FBXL17: variants seen among roughly 807,000 people sequenced by gnomAD.
FBXL17 encodes the protein F-box/LRR-repeat protein 17.
In FBXL17, 22 loss-of-function variants were observed where a neutral mutation model predicts 66.2. The observed-to-expected ratio is 0.33, with a 90% CI of 0.24 to 0.47. The LOEUF is 0.47. FBXL17 is among the 20% of genes least tolerant of loss of function. The pLI is 1.00. For missense variants in FBXL17, 878 were observed against 948.2 expected, an observed-to-expected ratio of 0.93 and a Z score of 0.97; for synonymous variants, 474 against 400.5, an observed-to-expected ratio of 1.18 and a Z score of -2.19.
chr5:108,032,721 CTA>C (rs1318461174), intron 6 of FBXL17, among the ~76,000 whole-genome samples: 1 of 152,282 alleles, frequency 6.6e-6, no homozygotes, highest in East Asian at 1.9e-4. Flanking sequence ...GCCAGGGAAA[CTA>C]GTTTTGGACT....
At chr5:108,200,325 G>C (rs1338851537) in intron 5 of FBXL17, among the ~76,000 whole-genome samples, 1 of 152,058 alleles carries the variant, frequency 6.6e-6, no homozygotes, top group Non-Finnish European at 1.5e-5. Flanking sequence ...TGAGGGGAAG[G>C]AGGCCTGGTT....
At chr5:107,994,895 A>G (rs1025864849) in intron 7 of FBXL17, among the ~76,000 whole-genome samples, 4 of 152,108 alleles carry the variant, frequency 2.6e-5, no homozygotes, top group African/African-American at 9.6e-5. Flanking sequence ...AATGTCACAT[A>G]TGTTTAAAAA....
At chr5:108,052,870 C>T (rs748742703) in intron 6 of FBXL17, among the ~76,000 whole-genome samples, 1 of 152,114 alleles carries the variant, frequency 6.6e-6, no homozygotes, top group Non-Finnish European at 1.5e-5. Flanking sequence ...TGGAACAGAA[C>T]AGAGACCTCA....
chr5:108,190,399 GAGAC>G (rs1753424179), intron 5 of FBXL17, among the ~76,000 whole-genome samples: 2 of 152,192 alleles, frequency 1.3e-5, no homozygotes, highest in African/African-American at 4.8e-5. Flanking sequence ...GTCTGAGACA[GAGAC>G]AGACAGAGAT....
chr5:108,371,808 A>G (rs75454114), intron 1 of FBXL17, among the ~76,000 whole-genome samples: 182 of 152,372 alleles, frequency 1.2e-3, no homozygotes, highest in African/African-American at 4.3e-3. Context: ...GAGATTAAAC[A>G]GATTAGAGCA....
chr5:108,251,211 G>C (rs1430673908), intron 4 of FBXL17, among the ~76,000 whole-genome samples: 2 of 151,968 alleles, frequency 1.3e-5, no homozygotes. Context: ...CCATTGAAAA[G>C]AGTGTCCCTT....
intron 6 of FBXL17, among the ~76,000 whole-genome samples, chr5:108,156,557 T>C (rs1752004949): frequency 6.6e-6 from 1 of 151,934 alleles, no homozygotes; most frequent in Non-Finnish European, 1.5e-5. Flanking sequence ...GTATCAAAGT[T>C]TGTGGAAATT....
chr5:108,024,732 G>T (rs1280080444), intron 6 of FBXL17, among the ~76,000 whole-genome samples: 1 of 152,104 alleles, frequency 6.6e-6, no homozygotes, highest in African/African-American at 2.4e-5. Flanking sequence ...AGTTATTTTT[G>T]ATAATAATGT....
In FBXL17 at chr5:107,979,743, T is replaced by C. The variant is rs574386533; in HGVS notation, c.1822+41182A>G. On this transcript the variant is annotated intron_variant, in intron 7 of 8. Transcript: ENST00000542267. ...AACATCTAACTAGGACTTTTATTGT[T>C]TATTTGAACAAATATTCATCATGAA... Among the ~76,000 whole-genome samples the C allele has an allele frequency of 1.1e-3, 170 of 152,358 alleles. 1 individual carries two copies. Among genetic ancestry groups the C allele is most frequent in the African/African-American group, 3.8e-3 (160 of 41,584 alleles).
At chr5:108,219,548 G>A (rs964570883) in intron 5 of FBXL17, among the ~76,000 whole-genome samples, 1 of 152,030 alleles carries the variant, frequency 6.6e-6, no homozygotes, top group Non-Finnish European at 1.5e-5. Flanking sequence ...TTAGCCGGGC[G>A]TGGTGGTGGG....
At chr5:108,074,733 T>G (rs1345901800) in intron 6 of FBXL17, among the ~76,000 whole-genome samples, 1 of 152,184 alleles carries the variant, frequency 6.6e-6, no homozygotes, top group Non-Finnish European at 1.5e-5. Flanking sequence ...TCTTTTGTAT[T>G]ACATTACCCG....
intron 6 of FBXL17, among the ~76,000 whole-genome samples, chr5:108,045,962 C>A (rs1188476888): frequency 1.3e-5 from 2 of 152,216 alleles, no homozygotes; most frequent in East Asian, 3.9e-4. Flanking sequence ...CTATAAAAAT[C>A]AATTAAATCT....
At chr5:107,896,387 T>C (rs1425149478) in intron 7 of FBXL17, among the ~76,000 whole-genome samples, 1 of 152,066 alleles carries the variant, frequency 6.6e-6, no homozygotes, top group Non-Finnish European at 1.5e-5. Context: ...GGAGAATAAA[T>C]AAAATAGAAG....
chr5:107,961,756 C>A (rs1284942022), intron 7 of FBXL17, among the ~76,000 whole-genome samples: 3 of 152,070 alleles, frequency 2.0e-5, no homozygotes, highest in African/African-American at 7.2e-5. Flanking sequence ...AGAATGCTTG[C>A]ATTTCAATGT....
At chr5:107,891,995 A>C (rs2112518668) in intron 7 of FBXL17, among the ~76,000 whole-genome samples, 1 of 152,286 alleles carries the variant, frequency 6.6e-6, no homozygotes, top group South Asian at 2.1e-4. Context: ...ATCGTAACTT[A>C]GCCTAGCCCA....
At chr5:108,377,855 T>C (rs1198444248) in intron 1 of FBXL17, among the ~76,000 whole-genome samples, 1 of 152,230 alleles carries the variant, frequency 6.6e-6, no homozygotes, top group Non-Finnish European at 1.5e-5. Context: ...AAAGGGCTAA[T>C]TTGTCAGTTA....
chr5:108,148,711 A>G (rs1003066068), intron 6 of FBXL17, among the ~76,000 whole-genome samples: 1 of 152,188 alleles, frequency 6.6e-6, no homozygotes, highest in Non-Finnish European at 1.5e-5. Context: ...GAAAAATTGA[A>G]TATCCACATC....
chr5:108,216,730 C>A (rs979395525), intron 5 of FBXL17, among the ~76,000 whole-genome samples: 5 of 152,100 alleles, frequency 3.3e-5, no homozygotes, highest in Non-Finnish European at 5.9e-5. Context: ...GTCAGTGCCT[C>A]ATCCCCACAT....
At chr5:107,967,856 T>A (rs1208832691) in intron 7 of FBXL17, among the ~76,000 whole-genome samples, 1 of 152,116 alleles carries the variant, frequency 6.6e-6, no homozygotes, top group African/African-American at 2.4e-5. Context: ...CTATATTCCA[T>A]GTATCATGTG....
Sources: gnomAD v4.1 joint callset for allele counts (sites outside exome capture counted in the v4.1 genomes callset) on GRCh38, gnomAD v4.1.1 for gene constraint, MANE v1.5 for transcripts, NCBI Gene and HGNC (gene_info 2026-07-23, HGNC 2026-07-21) for gene names.